The following ANKRD45 variants were observed in gnomAD, a reference collection of about 807,000 sequenced individuals.
The protein encoded by ANKRD45 is ankyrin repeat domain-containing protein 45.
ANKRD45 carries 21 observed loss-of-function variants against 28.1 expected under a neutral mutation model. The ratio of observed to expected loss-of-function variants is 0.75; its 90% confidence interval spans 0.53 to 1.08. The LOEUF (loss-of-function observed/expected upper bound fraction) is 1.08. ANKRD45 is among the 50% of genes least tolerant of loss of function. ANKRD45 has a pLI of 0.00. For synonymous variants in ANKRD45, 86 were observed against 103.9 expected (o/e 0.83, Z 1.05); for missense variants, 261 against 308.7 (o/e 0.85, Z 1.16).
chr1:173,637,079 A>C, intron 3 of ANKRD45: 26 of 1,251,260 alleles, frequency 2.1e-5, no homozygotes, highest in Non-Finnish European at 2.8e-5. Flanking sequence ...TATAGATATC[A>C]CAAAAGAAAT....
At chr1:173,707,347 T>C in the ANKRD45 span, among the ~76,000 whole-genome samples, 5 of 152,194 alleles carry the variant, frequency 3.3e-5, no homozygotes, top group East Asian at 9.6e-4. Context: ...TCCTTTTTTT[T>C]TTTTAGACAA....
At chr1:173,671,593 G>C (rs1487935643), upstream of ANKRD45, among the ~76,000 whole-genome samples, 1 of 151,948 alleles carries the variant, frequency 6.6e-6, no homozygotes, top group African/African-American at 2.4e-5. Context: ...CCCTAAGGCC[G>C]GGCACGGTGG....
Position 173,659,355 on chromosome 1 carries a change from T to C in ANKRD45, c.64A>G (p.Asn22Asp), listed in dbSNP as rs780559652. Residue 22 changes from asparagine to aspartate, a missense_variant, in exon 2 of 6, where the codon AAT becomes GAT. Asn to Asp is a conservative substitution (Grantham distance 23). Coordinates refer to ENST00000333279, the MANE Select transcript of ANKRD45 (RefSeq NM_198493.3). ...GGTTCTTGGGCTTCTTCTTCTTCAT[T>C]TTCCTCTTCTTGCTGTGAGAAAAAT... is the stretch of plus-strand genomic sequence containing the variant. ...SEFFSQQEEE[N>D]EEEEAQEPEE... The C allele has an allele frequency of 1.2e-6, 2 of 1,611,468 alleles. No individual in the cohort carries two copies. Among genetic ancestry groups the C allele is most frequent in the African/African-American group, 2.7e-5 (2 of 74,606 alleles).
At chr1:173,611,719 T>G (rs532491142) in intron 5 of ANKRD45, among the ~76,000 whole-genome samples, 2 of 152,064 alleles carry the variant, frequency 1.3e-5, no homozygotes, top group African/African-American at 4.8e-5. Context: ...CTTGGTGACC[T>G]TGGATTGGCA....
chr1:173,661,208 T>A (rs752593509), intron 1 of ANKRD45, among the ~76,000 whole-genome samples: 6 of 152,064 alleles, frequency 3.9e-5, no homozygotes, highest in Admixed American at 6.6e-5. Context: ...TGAAGGGTAG[T>A]GGGAGAAGAC....
At chr1:173,651,752 G>A (rs1248513036) in intron 2 of ANKRD45, among the ~76,000 whole-genome samples, 2 of 152,066 alleles carry the variant, frequency 1.3e-5, no homozygotes, top group East Asian at 3.9e-4. Flanking sequence ...CCATTTCTTT[G>A]TGTCCTCCTT....
At chr1:173,694,564 A>ATTAT in the ANKRD45 span, among the ~76,000 whole-genome samples, 1 of 147,838 alleles carries the variant, frequency 6.8e-6, no homozygotes, top group African/African-American at 2.5e-5. Flanking sequence ...TATTATTATT[A>ATTAT]TTATTATTAT....
chr1:173,638,128 G>A (rs1668536491), intron 3 of ANKRD45, among the ~76,000 whole-genome samples: 1 of 151,600 alleles, frequency 6.6e-6, no homozygotes, highest in Non-Finnish European at 1.5e-5. Context: ...ACGACTACCA[G>A]TCTGTTGCTG....
At chr1:173,670,023 C>T (rs1220859646), upstream of ANKRD45, among the ~76,000 whole-genome samples, 1 of 152,156 alleles carries the variant, frequency 6.6e-6, no homozygotes, top group African/African-American at 2.4e-5. Context: ...TGTAAATTTT[C>T]TGTAATAAGG....
chr1:173,709,782 A>G, the ANKRD45 span, among the ~76,000 whole-genome samples: 1 of 151,970 alleles, frequency 6.6e-6, no homozygotes, highest in Non-Finnish European at 1.5e-5. Context: ...GAGGCATGTG[A>G]CACCATGCCC....
intron 5 of ANKRD45, among the ~76,000 whole-genome samples, chr1:173,614,002 G>T (rs889322781): frequency 4.6e-5 from 7 of 152,284 alleles, no homozygotes; most frequent in African/African-American, 1.7e-4. Context: ...CATGTGCTGT[G>T]TCCACTCAGG....
At chr1:173,655,282 G>A (rs757886421) in intron 2 of ANKRD45, among the ~76,000 whole-genome samples, 19 of 152,196 alleles carry the variant, frequency 1.2e-4, no homozygotes, top group Non-Finnish European at 2.8e-4. Flanking sequence ...GGGTTTTGCT[G>A]TGGATGTCCT....
At chr1:173,660,791 T>C (rs1002201749) in intron 1 of ANKRD45, among the ~76,000 whole-genome samples, 1 of 152,156 alleles carries the variant, frequency 6.6e-6, no homozygotes, top group Non-Finnish European at 1.5e-5. Flanking sequence ...AGCTTGGAAG[T>C]AGATCTGGCC....
chr1:173,633,843 TG>T (rs1043769050), intron 3 of ANKRD45, among the ~76,000 whole-genome samples: 4 of 152,006 alleles, frequency 2.6e-5, no homozygotes, highest in African/African-American at 9.7e-5. Context: ...TAAATCAAAC[TG>T]AATTAAAGAC....
intron 5 of ANKRD45, among the ~76,000 whole-genome samples, chr1:173,618,517 C>G (rs552372791): frequency 6.6e-6 from 1 of 152,142 alleles, no homozygotes; most frequent in East Asian, 1.9e-4. Context: ...AATAGAAGAA[C>G]AGACGAAGAG....
At chr1:173,683,990 G>A in the ANKRD45 span, among the ~76,000 whole-genome samples, 7 of 152,126 alleles carry the variant, frequency 4.6e-5, no homozygotes, top group Admixed American at 1.3e-4. Context: ...GGGTTAGACC[G>A]CATGGGCTAA....
intron 2 of ANKRD45, among the ~76,000 whole-genome samples, chr1:173,652,187 A>G (rs1669260041): frequency 6.6e-6 from 1 of 152,054 alleles, no homozygotes; most frequent in Non-Finnish European, 1.5e-5. Context: ...TTTCAAAGGG[A>G]ATGCTTCCAG....
At chr1:173,688,602 C>CTTCCTCTTTCTGCCTCT in the ANKRD45 span, among the ~76,000 whole-genome samples, 1 of 148,526 alleles carries the variant, frequency 6.7e-6, no homozygotes, top group Non-Finnish European at 1.5e-5. Context: ...CTCTCTGCCT[C>CTTCCTCTTTCTGCCTCT]TTCCTCTCTC....
At chr1:173,618,367 C>T (rs974144687) in intron 5 of ANKRD45, among the ~76,000 whole-genome samples, 2 of 152,098 alleles carry the variant, frequency 1.3e-5, no homozygotes, top group Non-Finnish European at 2.9e-5. Flanking sequence ...CACATTGTAA[C>T]CCAATGCAAA....
Sources: gnomAD v4.1 joint callset for allele counts (sites outside exome capture counted in the v4.1 genomes callset) on GRCh38, gnomAD v4.1.1 for gene constraint, MANE v1.5 for transcripts, NCBI Gene and HGNC (gene_info 2026-07-23, HGNC 2026-07-21) for gene names.